The following TASP1 variants were observed in gnomAD, a reference collection of about 807,000 sequenced individuals.
TASP1 encodes taspase 1.
In TASP1, 16 loss-of-function variants were observed where a neutral mutation model predicts 56.6. The observed-to-expected ratio is 0.28, with a 90% CI of 0.19 to 0.43. The LOEUF (loss-of-function observed/expected upper bound fraction) is 0.43. TASP1 is among the 20% of genes least tolerant of loss of function. TASP1 has a pLI of 1.00. For synonymous variants in TASP1, 179 were observed against 184.2 expected (o/e 0.97, Z 0.23); for missense variants, 393 against 511.6 (o/e 0.77, Z 2.24).
At chr20:13,173,373 C>T in the TASP1 span, among the ~76,000 whole-genome samples, 115 of 152,288 alleles carry the variant, frequency 7.6e-4, 1 homozygote, top group African/African-American at 2.7e-3. Flanking sequence ...AGAGTCATGA[C>T]CACACAGCCA....
At chr20:13,515,638 T>C (rs1222830112) in intron 10 of TASP1, among the ~76,000 whole-genome samples, 1 of 151,930 alleles carries the variant, frequency 6.6e-6, no homozygotes, top group Non-Finnish European at 1.5e-5. Flanking sequence ...AAACTAAAGT[T>C]TGTGTTTAAA....
chr20:13,418,004 G>A (rs910978719), intron 12 of TASP1, among the ~76,000 whole-genome samples: 2 of 152,102 alleles, frequency 1.3e-5, no homozygotes, highest in East Asian at 1.9e-4. Context: ...ACTCTGCCTC[G>A]CAGGTTCAAG....
At chr20:13,335,971 G>C in the TASP1 span, among the ~76,000 whole-genome samples, 3 of 152,128 alleles carry the variant, frequency 2.0e-5, no homozygotes, top group African/African-American at 7.2e-5. Context: ...AACTGAAAGA[G>C]TTCTCTGAGA....
chr20:13,226,364 T>A, the TASP1 span, among the ~76,000 whole-genome samples: 2 of 152,236 alleles, frequency 1.3e-5, no homozygotes, highest in South Asian at 4.1e-4. Flanking sequence ...TGTTTCTTAT[T>A]TTGTGACTTA....
intron 6 of TASP1, among the ~76,000 whole-genome samples, chr20:13,575,671 C>A (rs1423639559): frequency 9.9e-5 from 15 of 152,072 alleles, no homozygotes; most frequent in Admixed American, 9.8e-4. Flanking sequence ...AAGAAAGGAA[C>A]TTTCTCAATA....
intron 8 of TASP1, among the ~76,000 whole-genome samples, chr20:13,549,961 T>C (rs1035744504): frequency 2.0e-5 from 3 of 152,106 alleles, no homozygotes; most frequent in Non-Finnish European, 2.9e-5. Flanking sequence ...AAAACAGTAG[T>C]TAAGATTTCT....
At chr20:13,580,584 T>G (rs886794888) in intron 6 of TASP1, among the ~76,000 whole-genome samples, 1 of 152,248 alleles carries the variant, frequency 6.6e-6, no homozygotes, top group Non-Finnish European at 1.5e-5. Context: ...CTATTTACTA[T>G]GTTCCATGTA....
chr20:13,520,672 A>T (rs1410101883), intron 10 of TASP1, among the ~76,000 whole-genome samples: 2 of 152,226 alleles, frequency 1.3e-5, no homozygotes, highest in Non-Finnish European at 2.9e-5. Flanking sequence ...TAAAAACCAT[A>T]TAAGAAAACC....
chr20:13,198,850 CTTT>C, the TASP1 span, among the ~76,000 whole-genome samples: 133 of 128,592 alleles, frequency 1.0e-3, no homozygotes, highest in Middle Eastern at 3.9e-3. Flanking sequence ...TTCTTTCTTT[CTTT>C]CTTTCCTTCC....
chr20:13,393,538 A>G (rs2041376302), intron 13 of TASP1: 1 of 804,562 alleles, frequency 1.2e-6, no homozygotes, highest in East Asian at 2.5e-5. Context: ...AGTGATACCC[A>G]CTCTTCCATC....
chr20:13,433,350 T>C (rs1241131255), intron 12 of TASP1, among the ~76,000 whole-genome samples: 1 of 151,992 alleles, frequency 6.6e-6, no homozygotes, highest in Non-Finnish European at 1.5e-5. Context: ...ACCAACCAGG[T>C]TGGGTTTAAC....
intron 8 of TASP1, among the ~76,000 whole-genome samples, chr20:13,535,584 T>C (rs2045387050): frequency 6.6e-6 from 1 of 152,190 alleles, no homozygotes; most frequent in East Asian, 1.9e-4. Flanking sequence ...CAGAATGACA[T>C]AGTTCTGCTC....
intron 7 of TASP1, among the ~76,000 whole-genome samples, chr20:13,566,917 C>T (rs1246887401): frequency 3.3e-5 from 5 of 152,110 alleles, no homozygotes; most frequent in East Asian, 1.9e-4. Context: ...CTAGCAACCC[C>T]GTTACTGAGT....
intron 12 of TASP1, among the ~76,000 whole-genome samples, chr20:13,418,094 T>C (rs1325421685): frequency 6.6e-6 from 1 of 152,180 alleles, no homozygotes; most frequent in Non-Finnish European, 1.5e-5. Context: ...GTATTTTTAG[T>C]AGAGACGGGG....
chr20:13,596,306 C>T (rs1568628995), intron 4 of TASP1, among the ~76,000 whole-genome samples: 1 of 150,920 alleles, frequency 6.6e-6, no homozygotes, highest in East Asian at 2.0e-4. Flanking sequence ...ACCCAGGAGG[C>T]GGAGGTTGCA....
intron 4 of TASP1, among the ~76,000 whole-genome samples, chr20:13,593,333 TG>T (rs1459054163): frequency 6.6e-6 from 1 of 152,142 alleles, no homozygotes; most frequent in Non-Finnish European, 1.5e-5. Context: ...TTGAGGTACC[TG>T]GTTCATCTCA....
the TASP1 span, among the ~76,000 whole-genome samples, chr20:13,112,855 T>C: frequency 2.0e-5 from 3 of 152,202 alleles, no homozygotes; most frequent in Non-Finnish European, 4.4e-5. Context: ...GAAAAGCCTT[T>C]ATACAGGTGT....
At chr20:13,359,539 G>A in the TASP1 span, among the ~76,000 whole-genome samples, 48 of 151,166 alleles carry the variant, frequency 3.2e-4, 1 homozygote, top group African/African-American at 6.8e-4. Context: ...TAATCAATAC[G>A]GAGGCTACAC....
chr20:13,583,201 TC>T (rs1479727934), intron 5 of TASP1, among the ~76,000 whole-genome samples: 1 of 152,212 alleles, frequency 6.6e-6, no homozygotes, highest in Non-Finnish European at 1.5e-5. Flanking sequence ...CCAATCTTTA[TC>T]CTGCCCAAGG....
Sources: allele counts gnomAD v4.1 joint callset (sites outside exome capture counted in the v4.1 genomes callset), GRCh38; gene constraint gnomAD v4.1.1; transcripts MANE v1.5; gene names NCBI Gene and HGNC (gene_info 2026-07-23, HGNC 2026-07-21).